Variants in DSCAML1 observed in about 807,000 individuals in gnomAD.
DSCAML1 encodes DS cell adhesion molecule like 1, also known as cell adhesion molecule DSCAML1.
DSCAML1 carries 38 observed loss-of-function variants against 200.5 expected under a neutral mutation model. The observed-to-expected ratio is 0.19, with a 90% CI of 0.15 to 0.25. DSCAML1 has a LOEUF of 0.25. Among genes scored for constraint, DSCAML1 ranks in the 10% least tolerant of loss-of-function variants. DSCAML1 has a pLI of 1.00. For synonymous variants in DSCAML1, 1,215 were observed against 1,165.0 expected (o/e 1.04, Z -0.87); for missense variants, 2,223 against 2,858.8 (o/e 0.78, Z 5.07).
chr11:117,534,479 C>G (rs1287801636), intron 3 of DSCAML1, among the ~76,000 whole-genome samples: 1 of 152,224 alleles, frequency 6.6e-6, no homozygotes, highest in East Asian at 1.9e-4. Flanking sequence ...CTCTGTGTGT[C>G]CTGCTTTGAC....
At position 117,505,444 on chromosome 11, in the gene DSCAML1, C is replaced by T; in HGVS notation, c.2062+10G>A. 1.2e-6 allele frequency: 2 copies of T among 1,607,048 alleles called. No individual in the cohort carries two copies. Among genetic ancestry groups the T allele is most frequent in the South Asian group, 1.1e-5 (1 of 91,030 alleles). ...CCTCCCTCCCCTGAGGCTGGCCTGT[C>T]CCTGCTCACCACGCACGATGAGCTG... On this transcript the variant is annotated intron_variant, in intron 9 of 32. Transcript: ENST00000651296. This position sits in a 1 kb window ranked among gnomAD's most constrained non-coding sequence, Gnocchi z 6.7.
intron 3 of DSCAML1, among the ~76,000 whole-genome samples, chr11:117,629,733 G>A (rs73012582): frequency 0.097 from 14,747 of 152,118 alleles, 821 homozygotes; most frequent in East Asian, 0.2. Context: ...ATGGTGGCTC[G>A]CTCCTGTAAT....
chr11:117,474,396 T>C (rs1806929412), intron 14 of DSCAML1, among the ~76,000 whole-genome samples: 1 of 152,192 alleles, frequency 6.6e-6, no homozygotes, highest in South Asian at 2.1e-4. Flanking sequence ...CCAGGAATGG[T>C]TCGAGTTCTT....
chr11:117,614,670 C>T lies in DSCAML1; in HGVS notation c.512-82148G>A, dbSNP rs147672559. On this transcript the variant is annotated intron_variant, in intron 3 of 32. Transcript: ENST00000651296. ...AGGCTTAATGTGGTTAAACGACTTG[C>T]CCAAGGTCATGCAGCCAATCAGCAG... Among the ~76,000 whole-genome samples, 183 of 152,326 alleles carry T rather than the reference C, an allele frequency of 1.2e-3. 1 individual carries two copies. The highest frequency in any genetic ancestry group is 4.0e-3 in the African/African-American group (168 of 41,572).
chr11:117,558,175 G>A (rs2050592916), intron 3 of DSCAML1, among the ~76,000 whole-genome samples: 1 of 152,236 alleles, frequency 6.6e-6, no homozygotes, highest in Non-Finnish European at 1.5e-5. Context: ...GGCAACAAAA[G>A]AAGCAGTGGG....
At chr11:117,766,728 A>C (rs1164332720) in intron 3 of DSCAML1, among the ~76,000 whole-genome samples, 1 of 152,206 alleles carries the variant, frequency 6.6e-6, no homozygotes, top group Admixed American at 6.5e-5. Flanking sequence ...AGCGCCTGCC[A>C]TGAACTAAAT....
At chr11:117,447,217 G>A (rs928866050) in intron 20 of DSCAML1, among the ~76,000 whole-genome samples, 6 of 152,166 alleles carry the variant, frequency 3.9e-5, no homozygotes, top group Non-Finnish European at 8.8e-5. Context: ...GAACCCGGGA[G>A]GTGGAGGATA....
At chr11:117,577,878 TTTG>T (rs2050975192) in intron 3 of DSCAML1, among the ~76,000 whole-genome samples, 1 of 150,740 alleles carries the variant, frequency 6.6e-6, no homozygotes. Context: ...TAAGCAAGAT[TTTG>T]TTATCCTACC....
At chr11:117,690,010 C>G (rs1286363259) in intron 3 of DSCAML1, among the ~76,000 whole-genome samples, 1 of 152,114 alleles carries the variant, frequency 6.6e-6, no homozygotes, top group Non-Finnish European at 1.5e-5. Flanking sequence ...GTGTTCTTGT[C>G]CTCTCATCAA....
At chr11:117,567,688 G>A (rs1183286725) in intron 3 of DSCAML1, among the ~76,000 whole-genome samples, 1 of 152,172 alleles carries the variant, frequency 6.6e-6, no homozygotes, top group Non-Finnish European at 1.5e-5. Flanking sequence ...AGCTGAATCT[G>A]TGAATAGACC....
rs922876559 is a variant in DSCAML1, at chr11:117,489,071, T to A, written c.2360-6909A>T. ...ATCTCCACTTTTCAAATGAGGAAAC[T>A]GAGGCTTCCAGAAAGTGTTTCTTCC... On this transcript the variant is annotated intron_variant, in intron 11 of 32. Transcript: ENST00000651296. The surrounding 1 kb of genome is among the most constrained non-coding windows in gnomAD (Gnocchi z 4.8). Among the ~76,000 whole-genome samples the A allele has an allele frequency of 2.5e-4, 38 of 152,260 alleles. No homozygotes were observed. The highest frequency in any genetic ancestry group is 4.3e-4 in the Non-Finnish European group (29 of 68,042).
chr11:117,561,394 A>G (rs1055107871), intron 3 of DSCAML1, among the ~76,000 whole-genome samples: 1 of 152,012 alleles, frequency 6.6e-6, no homozygotes, highest in African/African-American at 2.4e-5. Flanking sequence ...GACTCTTCAG[A>G]CCTCGCTCTG....
intron 3 of DSCAML1, among the ~76,000 whole-genome samples, chr11:117,732,636 C>A (rs1396216519): frequency 6.6e-6 from 1 of 152,164 alleles, no homozygotes; most frequent in Non-Finnish European, 1.5e-5. Context: ...CAAACCCAGC[C>A]TCCGGACAGA....
At chr11:117,477,390 G>GTGTGTGTGTA (rs778693160) in intron 14 of DSCAML1, among the ~76,000 whole-genome samples, 10 of 131,704 alleles carry the variant, frequency 7.6e-5, no homozygotes, top group South Asian at 2.5e-4. Context: ...GTGTGTGTGT[G>GTGTGTGTGTA]TATGTGTGTG....
At chr11:117,669,108 G>A (rs1265786110) in intron 3 of DSCAML1, among the ~76,000 whole-genome samples, 1 of 152,122 alleles carries the variant, frequency 6.6e-6, no homozygotes, top group African/African-American at 2.4e-5. Flanking sequence ...GTGCCCCCAG[G>A]GCCTCTTGCT....
chr11:117,493,088 G>T (rs1040469787), intron 11 of DSCAML1, among the ~76,000 whole-genome samples: 3 of 152,178 alleles, frequency 2.0e-5, no homozygotes, highest in Admixed American at 2.0e-4. Context: ...TGTGTGCAAG[G>T]GGTAGGGGTG....
intron 2 of DSCAML1, among the ~76,000 whole-genome samples, chr11:117,778,504 A>G (rs1289370642): frequency 6.6e-6 from 1 of 152,214 alleles, no homozygotes; most frequent in Non-Finnish European, 1.5e-5. Flanking sequence ...CTGGAGCCCC[A>G]GTTTCTTCAT....
Position 117,450,785 on chromosome 11 carries a change from A to G in DSCAML1, c.3569-97T>C. Reference sequence around the variant, plus strand: ...GGAGAGGGAGGCAGATCAATCTGGGAGAGCTTCTTGGAGGTGGCATCCTTG... The same window carrying G: ...GGAGAGGGAGGCAGATCAATCTGGGGGAGCTTCTTGGAGGTGGCATCCTTG... On this transcript the variant is annotated intron_variant, in intron 19 of 32. Coordinates refer to ENST00000651296, the MANE Select transcript of DSCAML1 (RefSeq NM_020693.4). 3 of 1,442,924 alleles carry G rather than the reference A, an allele frequency of 2.1e-6. No individual in the cohort carries two copies. The South Asian group carries it at 4.2e-5, about 20-fold the overall frequency. The allele number at this position is 1,442,924 out of a possible 1,614,324, so 89.4% of individuals were successfully genotyped here.
At chr11:117,782,306 G>A (rs911744465) in intron 1 of DSCAML1, among the ~76,000 whole-genome samples, 7 of 152,216 alleles carry the variant, frequency 4.6e-5, no homozygotes, top group African/African-American at 1.7e-4. Context: ...CATAAAAGCC[G>A]TGATGGAGCC....
Sources: allele counts gnomAD v4.1 joint callset (sites outside exome capture counted in the v4.1 genomes callset), GRCh38; gene constraint gnomAD v4.1.1; non-coding constraint Gnocchi (gnomAD v3.1); transcripts MANE v1.5; gene names NCBI Gene and HGNC (gene_info 2026-07-23, HGNC 2026-07-21).